ACTN3: variants seen among roughly 807,000 people sequenced by gnomAD.
ACTN3 encodes the protein alpha-actinin-3.
In ACTN3, 91 loss-of-function variants were observed where a neutral mutation model predicts 119.6. The ratio of observed to expected loss-of-function variants is 0.76; its 90% CI spans 0.64 to 0.91. The LOEUF (loss-of-function observed/expected upper bound fraction) is 0.91. Ranked by LOEUF, ACTN3 falls within the 40% of genes least tolerant of loss-of-function variation. The pLI is 0.00. For missense variants in ACTN3, 1,221 were observed against 1,215.1 expected (o/e 1.00, Z -0.07); for synonymous variants, 456 against 478.8 (o/e 0.95, Z 0.62).
intron 1 of ACTN3, 82 bp from the exon 2 acceptor site, chr11:66,551,157 C>A: frequency 9.7e-7 from 1 of 1,030,424 alleles, no homozygotes; most frequent in Non-Finnish European, 1.5e-6. Context: ...GCTCTGAGAC[C>A]TACCCTGACT....
Position 66,561,251 on chromosome 11 carries a change from G to A in ACTN3, c.1885G>A (p.Asp629Asn). The change falls in exon 16 of 21, where the codon GAC (aspartate) becomes AAC (asparagine). Residue 629 changes from aspartate (D) to asparagine (N), a missense_variant. This residue lies in a region of ACTN3 where 934 missense variants were observed against 899.9 expected (regional missense o/e 1.04). Coordinates refer to ENST00000513398, the MANE Select transcript of ACTN3 (RefSeq NM_001104.4). Reference sequence around the variant, plus strand: ...GGTCCGAAAGCTGGTGCCCAGCTGTGACCAGACACTGCAGGAGGAGCTGGC... The same window carrying A: ...GGTCCGAAAGCTGGTGCCCAGCTGTAACCAGACACTGCAGGAGGAGCTGGC... ...DMVRKLVPSC[D>N]QTLQEELARQ... is the part of the protein sequence containing the mutation. 6.3e-7 allele frequency: 1 copy of A among 1,594,842 alleles called. No individual in the cohort carries two copies. The highest frequency in any genetic ancestry group is 8.5e-7 in the Non-Finnish European group (1 of 1,172,086).
chr11:66,559,174 C>T (rs923124185), intron 11 of ACTN3, 62 bp from the exon 12 acceptor site: 6 of 1,409,170 alleles, frequency 4.3e-6, no homozygotes, highest in Non-Finnish European at 5.6e-6. Flanking sequence ...GGTCACGCAG[C>T]CCGCCGCGCA....
intron 4 of ACTN3, 57 bp downstream of exon 4, chr11:66,554,188 C>T: frequency 6.6e-7 from 1 of 1,525,670 alleles, no homozygotes; most frequent in Non-Finnish European, 9.1e-7. Flanking sequence ...CTGTAATCCC[C>T]ACAGTTTGGG....
chr11:66,558,181 A>G lies in ACTN3; in HGVS notation c.1276+7A>G, dbSNP rs776072122. On this transcript the variant is annotated splice_region_variant and intron_variant, in intron 11 of 20. Transcript: ENST00000513398. ...CACGAAGCCTGGACCCGGGGTAGGT[A>G]GACCTACCTCATGGGGCTGGACTGT... is the stretch of plus-strand genomic sequence containing the variant. The G allele has an allele frequency of 1.2e-6, 2 of 1,612,250 alleles. No individual in the cohort carries two copies. The highest frequency in any genetic ancestry group is 2.2e-5 in the South Asian group (2 of 91,084).
chr11:66,547,179 C>G, intron 1 of ACTN3, 95 bp downstream of exon 1: 1 of 1,352,436 alleles, frequency 7.4e-7, no homozygotes, highest in Middle Eastern at 2.8e-4. Context: ...CAGAGCTTGT[C>G]TTTAACCTAG....
Position 66,562,857 on chromosome 11 carries a change from C to A in ACTN3, c.2450C>A (p.Thr817Asn), listed in dbSNP as rs754417486. Residue 817 changes from threonine to asparagine, a missense_variant, in exon 20 of 21, where the codon ACC becomes AAC. By Grantham distance (65) the Thr-to-Asn change is moderately conservative. This residue lies in a region of ACTN3 where 934 missense variants were observed against 899.9 expected (regional missense o/e 1.04). Coordinates refer to ENST00000513398, the MANE Select transcript of ACTN3 (RefSeq NM_001104.4). The part of the protein sequence containing the change: ...MVDPNAAGVV[T>N]FQAFIDFMTR... Reference sequence around the variant, plus strand: ...GACCCCAACGCAGCTGGGGTGGTGACCTTCCAGGCCTTCATAGACTTCATG... The same window carrying A: ...GACCCCAACGCAGCTGGGGTGGTGAACTTCCAGGCCTTCATAGACTTCATG... 9 of 1,613,820 alleles carry A rather than the reference C, an allele frequency of 5.6e-6. No homozygotes were observed. The highest frequency in any genetic ancestry group is 7.6e-6 in the Non-Finnish European group (9 of 1,179,828).
chr11:66,551,791 G>A (rs484358), intron 3 of ACTN3, 144 bp downstream of exon 3: 836,861 of 1,268,958 alleles, frequency 0.66, 281,465 homozygotes, highest in African/African-American at 0.92. Context: ...GAGCCAGTAT[G>A]CCAGCCAGGC....
At chr11:66,560,448 G>C in intron 14 of ACTN3, 125 bp from the exon 15 acceptor site, 1 of 1,470,816 alleles carries the variant, frequency 6.8e-7, no homozygotes, top group Non-Finnish European at 9.1e-7. Context: ...TGGAAGACAG[G>C]AGGCCGGGGT....
intron 1 of ACTN3, among the ~76,000 whole-genome samples, chr11:66,548,608 A>C (rs1857412471): frequency 6.6e-6 from 1 of 152,076 alleles, no homozygotes. Context: ...TGTTTATTGC[A>C]AGGTGGTAAT....
intron 15 of ACTN3, 41 bp downstream of exon 15, chr11:66,560,796 T>C (rs776752391): frequency 1.6e-5 from 25 of 1,563,942 alleles, no homozygotes; most frequent in Non-Finnish European, 2.2e-5. Flanking sequence ...CCCTCCTGCA[T>C]ACTGTGACCA....
chr11:66,561,202 TCTGGCATAACTGCCCTCC>T lies in ACTN3; in HGVS notation c.1861-24_1861-7del. 6.6e-7 allele frequency: 1 copy of T among 1,514,476 alleles called. No homozygotes were observed. 93.8% of individuals were successfully genotyped at this position (1,514,476 alleles called of 1,614,324 possible). ...CCATTTCCCAGCCCCCAGAGCTGGC[TCTGGCATAACTGCCCTCC>T]TCCCAGGTCCGAAAGCTGGTGCCCA... On this transcript the variant is annotated splice_polypyrimidine_tract_variant and splice_region_variant and intron_variant, in intron 15 of 20. Transcript: ENST00000513398.
intron 15 of ACTN3, 150 bp from the exon 16 acceptor site, chr11:66,561,077 G>A (rs1590811621): frequency 9.1e-7 from 1 of 1,102,970 alleles, no homozygotes; most frequent in Non-Finnish European, 1.3e-6. Context: ...GCCCACATGG[G>A]TTAGTGACTT....
intron 1 of ACTN3, among the ~76,000 whole-genome samples, chr11:66,548,986 G>A (rs532364765): frequency 6.6e-6 from 1 of 152,138 alleles, no homozygotes; most frequent in African/African-American, 2.4e-5. Context: ...GGACAGTTCT[G>A]CCCACCTCCC....
chr11:66,562,836 C>A lies in ACTN3; in HGVS notation c.2429C>A (p.Pro810His). 1 of 1,613,650 alleles carries A rather than the reference C, an allele frequency of 6.2e-7. No individual in the cohort carries two copies. Among genetic ancestry groups the A allele is most frequent in the Non-Finnish European group, 8.5e-7 (1 of 1,179,714 alleles). ...GCTCGCATCATGACCATGGTGGACC[C>A]CAACGCAGCTGGGGTGGTGACCTTC... ...EFARIMTMVD[P>H]NAAGVVTFQA... Residue 810 changes from proline (P) to histidine (H), a missense_variant, in exon 20 of 21, where the codon CCC becomes CAC. By Grantham distance (77) the Pro-to-His change is moderately conservative (BLOSUM62 -2). Around this residue, in one of 3 missense-constraint regions of ACTN3, gnomAD observed 934 missense variants for 899.9 expected, o/e 1.04. Transcript: ENST00000513398.
intron 11 of ACTN3, among the ~76,000 whole-genome samples, chr11:66,558,670 GT>G (rs932344329): frequency 9.9e-5 from 15 of 152,180 alleles, no homozygotes; most frequent in Admixed American, 9.8e-4. Context: ...ACACCCGCCT[GT>G]TTTCTATAAA....
chr11:66,562,701 T>C, intron 19 of ACTN3, 95 bp from the exon 20 acceptor site: 5 of 1,384,888 alleles, frequency 3.6e-6, no homozygotes, highest in Non-Finnish European at 4.9e-6. Flanking sequence ...ACTGGGGCTC[T>C]GCTAGCTGAG....
At chr11:66,547,165 G>A in intron 1 of ACTN3, 81 bp downstream of exon 1, 2 of 1,392,010 alleles carry the variant, frequency 1.4e-6, no homozygotes, top group South Asian at 1.7e-5. Flanking sequence ...CAGCAGTGCA[G>A]GGGCAGAGCT....
intron 1 of ACTN3, among the ~76,000 whole-genome samples, chr11:66,548,417 C>T (rs1454132182): frequency 6.6e-6 from 1 of 152,108 alleles, no homozygotes; most frequent in East Asian, 1.9e-4. Context: ...CCATATGACA[C>T]GTGCCAGTCT....
chr11:66,554,994 A>G (rs1366948077), intron 5 of ACTN3, 136 bp from the exon 6 acceptor site: 7 of 774,158 alleles, frequency 9.0e-6, no homozygotes, highest in Non-Finnish European at 1.5e-5. Context: ...GAAGGGCCTC[A>G]AACGCCAAGC....
Sources: gnomAD v4.1 joint callset for allele counts (sites outside exome capture counted in the v4.1 genomes callset) on GRCh38, gnomAD v4.1.1 for gene constraint, gnomAD v4.1.1 regional missense constraint, MANE v1.5 for transcripts, NCBI Gene and HGNC (gene_info 2026-07-23, HGNC 2026-07-21) for gene names.